The following KLHL32 variants were observed in gnomAD, a reference collection of about 807,000 sequenced individuals.
The protein encoded by KLHL32 is kelch like family member 32.
Under a neutral mutation model 64.8 loss-of-function variants are expected in KLHL32, and 35 were observed. The observed-to-expected ratio is 0.54, with a 90% CI of 0.41 to 0.72. The LOEUF (loss-of-function observed/expected upper bound fraction) is 0.72, where lower values mean the gene tolerates loss of function less well. Among genes scored for constraint, KLHL32 ranks in the 30% least tolerant of loss-of-function variants. The probability of loss-of-function intolerance (pLI) is 0.00; values close to 1 mark genes in which losing one functional copy is unlikely to be tolerated. For synonymous variants in KLHL32, 259 were observed against 281.0 expected (o/e 0.92, Z 0.78); for missense variants, 589 against 768.5 (o/e 0.77, Z 2.76).
intron 1 of KLHL32, among the ~76,000 whole-genome samples, chr6:96,964,962 A>C (rs1208830533): frequency 2.0e-5 from 3 of 152,206 alleles, no homozygotes; most frequent in Non-Finnish European, 4.4e-5. Flanking sequence ...CCCATCACCC[A>C]GGTAACGAGC....
intron 7 of KLHL32, among the ~76,000 whole-genome samples, chr6:97,116,560 A>T (rs888324326): frequency 6.6e-6 from 1 of 152,162 alleles, no homozygotes; most frequent in Non-Finnish European, 1.5e-5. Flanking sequence ...TAAGTTTTGT[A>T]TGAATTTCTC....
chr6:97,078,388 G>A (rs1350993216), intron 5 of KLHL32, among the ~76,000 whole-genome samples: 1 of 152,126 alleles, frequency 6.6e-6, no homozygotes, highest in Non-Finnish European at 1.5e-5. Flanking sequence ...ACATTTCGAA[G>A]GAGAGTTGTC....
At chr6:96,901,753 G>C in the KLHL32 span, among the ~76,000 whole-genome samples, 9 of 152,066 alleles carry the variant, frequency 5.9e-5, no homozygotes, top group Non-Finnish European at 1.0e-4. Flanking sequence ...ACCTCCAACA[G>C]GCTCCAGTGT....
chr6:96,898,676 A>G, the KLHL32 span, among the ~76,000 whole-genome samples: 27 of 152,118 alleles, frequency 1.8e-4, no homozygotes, highest in Non-Finnish European at 1.0e-4. Flanking sequence ...AATGAAAGGA[A>G]CAGACAATAA....
intron 6 of KLHL32, 22 bp downstream of exon 6, chr6:97,085,363 G>A (rs1288069724): frequency 1.2e-6 from 2 of 1,601,612 alleles, no homozygotes; most frequent in East Asian, 2.2e-5. Context: ...GTGCACGGTC[G>A]CTTTTGGCAC....
intron 2 of KLHL32, among the ~76,000 whole-genome samples, chr6:96,971,260 T>A (rs894315919): frequency 3.3e-5 from 5 of 152,200 alleles, no homozygotes; most frequent in South Asian, 2.1e-4. Flanking sequence ...CATATAGCTG[T>A]TTTCGGAATT....
intron 10 of KLHL32, among the ~76,000 whole-genome samples, 191 bp downstream of exon 10, chr6:97,132,938 C>T (rs528394022): frequency 2.0e-5 from 3 of 152,096 alleles, no homozygotes; most frequent in Admixed American, 6.5e-5. Flanking sequence ...TTATTGAGCC[C>T]TATTAAAAAT....
chr6:97,072,501 G>T (rs1315550790), intron 5 of KLHL32, among the ~76,000 whole-genome samples: 1 of 150,732 alleles, frequency 6.6e-6, no homozygotes, highest in African/African-American at 2.4e-5. Flanking sequence ...TCAGGATGAG[G>T]TTCACTCCTT....
At chr6:97,065,110 T>C (rs1789530831) in intron 5 of KLHL32, among the ~76,000 whole-genome samples, 1 of 152,172 alleles carries the variant, frequency 6.6e-6, no homozygotes, top group African/African-American at 2.4e-5. Context: ...CTAATAGTCA[T>C]TGAAGATTTC....
At chr6:97,097,767 C>G (rs1795185198) in intron 6 of KLHL32, among the ~76,000 whole-genome samples, 2 of 152,164 alleles carry the variant, frequency 1.3e-5, no homozygotes, top group South Asian at 4.1e-4. Context: ...GCAAATGTTT[C>G]CATTCCGATT....
the KLHL32 span, among the ~76,000 whole-genome samples, chr6:96,917,927 A>T: frequency 2.0e-5 from 3 of 152,274 alleles, no homozygotes; most frequent in East Asian, 5.8e-4. Flanking sequence ...CAGATAATTC[A>T]TTGTTGCAGG....
intron 7 of KLHL32, among the ~76,000 whole-genome samples, chr6:97,126,635 T>G (rs1582252568): frequency 6.6e-6 from 1 of 152,280 alleles, no homozygotes; most frequent in East Asian, 1.9e-4. Flanking sequence ...ATTAGCCCCA[T>G]GTGACTTATT....
In KLHL32 at chr6:96,974,129, AAATAGAGAT is replaced by A. The variant is rs1283454737; in HGVS notation, c.24-1863_24-1855del. On this transcript the variant is annotated intron_variant, in intron 2 of 10. Transcript: ENST00000369261. ...TGGACCTTCAGTTTTTCTATCTGTAAAATAGAGATAATAATAGTACCTGCCTCATGGTGT... is the reference window on the plus strand; with the variant it reads ...TGGACCTTCAGTTTTTCTATCTGTAAAATAATAGTACCTGCCTCATGGTGT... Among the ~76,000 whole-genome samples, 21 of 152,232 alleles carry A rather than the reference AAATAGAGAT, an allele frequency of 1.4e-4. No individual in the cohort carries two copies. The East Asian group carries it at 4.1e-3, about 29-fold the overall frequency.
chr6:96,930,058 G>A (rs899968253), intron 1 of KLHL32, among the ~76,000 whole-genome samples: 16 of 152,030 alleles, frequency 1.1e-4, no homozygotes, highest in Non-Finnish European at 2.1e-4. Context: ...TTAGAAGCAG[G>A]CTACCCCCTC....
chr6:97,058,346 C>T (rs1468783627), intron 4 of KLHL32, among the ~76,000 whole-genome samples: 4 of 152,182 alleles, frequency 2.6e-5, no homozygotes, highest in Non-Finnish European at 4.4e-5. Context: ...GACATCTTGA[C>T]AATATGGAGT....
intron 1 of KLHL32, among the ~76,000 whole-genome samples, chr6:96,966,081 G>A (rs1439157097): frequency 6.6e-6 from 1 of 152,112 alleles, no homozygotes; most frequent in Non-Finnish European, 1.5e-5. Context: ...CAAATCATCA[G>A]AAATAGGCAC....
intron 3 of KLHL32, among the ~76,000 whole-genome samples, chr6:96,993,964 G>GCTA (rs1228872747): frequency 6.7e-6 from 1 of 149,756 alleles, no homozygotes; most frequent in Non-Finnish European, 1.5e-5. Flanking sequence ...CAGTAAGCAT[G>GCTA]CTACCCTTTG....
At chr6:96,903,300 T>G in the KLHL32 span, among the ~76,000 whole-genome samples, 1 of 151,964 alleles carries the variant, frequency 6.6e-6, no homozygotes, top group Admixed American at 6.6e-5. Flanking sequence ...CTTACTCTCA[T>G]TCCCTTGTGT....
At chr6:97,059,552 A>G (rs567616522) in intron 4 of KLHL32, among the ~76,000 whole-genome samples, 11 of 152,326 alleles carry the variant, frequency 7.2e-5, no homozygotes, top group African/African-American at 1.7e-4. Context: ...TACCTGAACT[A>G]TGTTTTTCTT....
Sources: gnomAD v4.1 joint callset for allele counts (sites outside exome capture counted in the v4.1 genomes callset) on GRCh38, gnomAD v4.1.1 for gene constraint, MANE v1.5 for transcripts, NCBI Gene and HGNC (gene_info 2026-07-23, HGNC 2026-07-21) for gene names.